The following LCA5L variants were observed in gnomAD, a reference collection of about 807,000 sequenced individuals.
LCA5L encodes lebercilin LCA5 like.
A neutral mutation model predicts 45.4 loss-of-function variants in LCA5L; 35 were observed. The ratio of observed to expected loss-of-function variants is 0.77; its 90% CI spans 0.59 to 1.02. The LOEUF (loss-of-function observed/expected upper bound fraction) is 1.02. Ranked by LOEUF, LCA5L falls within the 50% of genes least tolerant of loss-of-function variation. LCA5L has a pLI of 0.00. For missense variants in LCA5L, 668 were observed against 761.6 expected, an observed-to-expected ratio of 0.88 and a Z score of 1.45; for synonymous variants, 233 against 264.7, an observed-to-expected ratio of 0.88 and a Z score of 1.16.
At chr21:39,442,253 TGGA>T (rs1225733718) in intron 2 of LCA5L, among the ~76,000 whole-genome samples, 1 of 151,896 alleles carries the variant, frequency 6.6e-6, no homozygotes, top group Non-Finnish European at 1.5e-5. Flanking sequence ...GCCTGGTGGG[TGGA>T]GGAGGCCCAT....
At position 39,409,912 on chromosome 21, in the gene LCA5L, A is replaced by G. The variant is rs2039793760; in HGVS notation, c.1282+67T>C. The G allele has an allele frequency of 2.2e-6, 2 of 910,058 alleles. No individual in the cohort carries two copies. The highest frequency in any genetic ancestry group is 5.1e-5 in the East Asian group (2 of 39,222). 56.4% of individuals were successfully genotyped at this position (910,058 alleles called of 1,614,324 possible). A position where few individuals can be genotyped will look rare whatever the true frequency, so the allele number is the denominator to read the frequency against. ...CCCAGCTGTTTTATGTGTGCTTTATATACACATATAGTAATTCACAATTTT... is the reference window on the plus strand; with the variant it reads ...CCCAGCTGTTTTATGTGTGCTTTATGTACACATATAGTAATTCACAATTTT... On this transcript the variant is annotated intron_variant, in intron 10 of 10. Transcript: ENST00000288350. This position sits in a 1 kb window ranked among gnomAD's most constrained non-coding sequence, Gnocchi z 4.2.
At chr21:39,411,656 A>C in intron 8 of LCA5L, 62 bp downstream of exon 8, 2 of 803,752 alleles carry the variant, frequency 2.5e-6, no homozygotes, top group Non-Finnish European at 4.0e-6. Context: ...TGTCTATATA[A>C]ATTAGGAAAA....
At chr21:39,410,406 A>G (rs1361775273) in intron 8 of LCA5L, 39 bp from the exon 9 acceptor site, 1 of 1,013,732 alleles carries the variant, frequency 9.9e-7, no homozygotes, top group Non-Finnish European at 1.5e-6. Flanking sequence ...AACATATTTT[A>G]CATTTGGATA....
At chr21:39,410,194 C>T in intron 9 of LCA5L, 70 bp downstream of exon 9, 1 of 1,243,302 alleles carries the variant, frequency 8.0e-7, no homozygotes, top group South Asian at 1.2e-5. Context: ...TCACATAGAA[C>T]AAGTGACTGT....
rs761056311 is a variant in LCA5L at position 39,406,382 on chromosome 21, T to C, written c.1513A>G (p.Thr505Ala). ...TAGGGAGCAGTGCCTTTGCCAAGTGTGTCATCCACACCATTTCTCTGCATG... is the reference window on the plus strand; with the variant it reads ...TAGGGAGCAGTGCCTTTGCCAAGTGCGTCATCCACACCATTTCTCTGCATG... ...RSMQRNGVDD[T>A]LGKGTAPYTK... Residue 505 changes from threonine (T) to alanine (A), a missense_variant, in exon 11 of 11, where the codon ACA (threonine) becomes GCA (alanine). Physicochemically the swap from Thr to Ala is moderately conservative, Grantham distance 58. Transcript: ENST00000288350. 1 of 1,614,184 alleles carries C rather than the reference T, an allele frequency of 6.2e-7. No individual in the cohort carries two copies. The highest frequency in any genetic ancestry group is 8.5e-7 in the Non-Finnish European group (1 of 1,180,024).
chr21:39,436,011 A>C (rs941486900), intron 2 of LCA5L: 1 of 152,196 alleles, frequency 6.6e-6, no homozygotes, highest in African/African-American at 2.4e-5. Flanking sequence ...TGTGATTATC[A>C]AACAGTGATG....
chr21:39,421,375 C>G (rs2073745066), intron 6 of LCA5L, among the ~76,000 whole-genome samples: 1 of 152,106 alleles, frequency 6.6e-6, no homozygotes, highest in Non-Finnish European at 1.5e-5. Flanking sequence ...GGCGAGAGGC[C>G]ACTGTGCCCT....
rs774851605 is a variant in LCA5L at position 39,422,898 on chromosome 21, G to T, written c.837+78C>A. Reference sequence around the variant, plus strand: ...GTTAGTAATGCTTTGTTACAGAGGGGGCGCATCCATGATTAATTCACACCC... The same window carrying T: ...GTTAGTAATGCTTTGTTACAGAGGGTGCGCATCCATGATTAATTCACACCC... On this transcript the variant is annotated intron_variant, in intron 6 of 10. Coordinates refer to ENST00000288350, the MANE Select transcript of LCA5L (RefSeq NM_152505.4). 7.0e-6 allele frequency: 9 copies of T among 1,280,898 alleles called. No individual in the cohort carries two copies. The African/African-American group carries it at 1.3e-4, about 19-fold the overall frequency. 79.3% of individuals were successfully genotyped at this position (1,280,898 alleles called of 1,614,324 possible).
At chr21:39,428,944 G>A (rs913670531) in intron 4 of LCA5L, among the ~76,000 whole-genome samples, 187 bp downstream of exon 4, 10 of 151,780 alleles carry the variant, frequency 6.6e-5, no homozygotes, top group Admixed American at 2.0e-4. Flanking sequence ...CTTTCAATAA[G>A]CCCTCTTAGT....
chr21:39,414,738 CTCTCTGTGTGTGTGTGTGTG>C (rs1159255683), intron 7 of LCA5L, among the ~76,000 whole-genome samples: 6 of 107,328 alleles, frequency 5.6e-5, no homozygotes, highest in African/African-American at 1.6e-4. Context: ...CTCTCTCTCT[CTCTCTGTGTGTGTGTGTGTG>C]TGTGTGTGTG....
At chr21:39,420,886 T>C in intron 6 of LCA5L, 43 bp from the exon 7 acceptor site, 1 of 1,520,590 alleles carries the variant, frequency 6.6e-7, no homozygotes. Context: ...ACCAAGTTAG[T>C]ATGTTAAAAA....
chr21:39,424,800 G>A (rs1207736021), intron 5 of LCA5L, among the ~76,000 whole-genome samples: 2 of 152,132 alleles, frequency 1.3e-5, no homozygotes, highest in Non-Finnish European at 2.9e-5. Flanking sequence ...ATGTGTCCAG[G>A]GGTCTATCTT....
At chr21:39,422,828 C>G in intron 6 of LCA5L, 148 bp downstream of exon 6, 1 of 749,882 alleles carries the variant, frequency 1.3e-6, no homozygotes, top group Non-Finnish European at 2.2e-6. Context: ...TCTGTGCCCT[C>G]TATTAGACAA....
chr21:39,430,875 G>A (rs576072913), intron 3 of LCA5L, among the ~76,000 whole-genome samples: 3 of 152,270 alleles, frequency 2.0e-5, no homozygotes, highest in Non-Finnish European at 2.9e-5. Context: ...GTTTGCAATT[G>A]TCCCTCTCCT....
chr21:39,428,322 A>C lies in LCA5L; in HGVS notation c.172T>G (p.Cys58Gly). The change falls in exon 5 of 11, where the codon TGT (cysteine) becomes GGT (glycine). Residue 58 changes from cysteine (C) to glycine (G), a missense_variant. Transcript: ENST00000288350. ...TCATACTGAGAACTTAAACTTCCAC[A>C]GGAGCACTGAGATCTGCTATAATCA... is the stretch of plus-strand genomic sequence containing the variant. The part of the protein sequence containing the change: ...SVDYSRSQCS[C>G]GSLSSQYDYS... The C allele has an allele frequency of 6.2e-7, 1 of 1,613,716 alleles. No homozygotes were observed.
intron 3 of LCA5L, among the ~76,000 whole-genome samples, chr21:39,431,091 C>T (rs949542400): frequency 2.0e-5 from 3 of 152,184 alleles, no homozygotes; most frequent in African/African-American, 7.2e-5. Context: ...TAAATAACTT[C>T]ACTCTTAAAA....
chr21:39,414,734 C>CTGTG (rs1446676855), intron 7 of LCA5L, among the ~76,000 whole-genome samples: 37 of 103,268 alleles, frequency 3.6e-4, no homozygotes, highest in African/African-American at 1.4e-3. Flanking sequence ...CTCTCTCTCT[C>CTGTG]TCTCTCTCTG....
At chr21:39,430,102 C>T (rs1042062846) in intron 3 of LCA5L, among the ~76,000 whole-genome samples, 3 of 152,146 alleles carry the variant, frequency 2.0e-5, no homozygotes, top group African/African-American at 7.2e-5. Flanking sequence ...ACTACAAATG[C>T]TCCCGTGTAG....
intron 2 of LCA5L, among the ~76,000 whole-genome samples, chr21:39,440,036 T>C (rs1266837456): frequency 6.6e-6 from 1 of 152,188 alleles, no homozygotes; most frequent in African/African-American, 2.4e-5. Flanking sequence ...TACAGATCTA[T>C]GTGCATATAT....
Sources: allele counts gnomAD v4.1 joint callset (sites outside exome capture counted in the v4.1 genomes callset), GRCh38; gene constraint gnomAD v4.1.1; non-coding constraint Gnocchi (gnomAD v3.1); transcripts MANE v1.5; gene names NCBI Gene and HGNC (gene_info 2026-07-23, HGNC 2026-07-21).